Variants in SSPN observed in about 807,000 individuals in gnomAD.
The protein encoded by SSPN is K-ras oncogene-associated protein.
Under a neutral mutation model 19.1 loss-of-function variants are expected in SSPN, and 15 were observed. The observed-to-expected ratio is 0.78, with a 90% CI of 0.52 to 1.21. The LOEUF is 1.21. SSPN is among the 50% of genes most tolerant of loss of function. The pLI is 0.00. For synonymous variants in SSPN, 147 were observed against 140.3 expected (o/e 1.05, Z -0.34); for missense variants, 291 against 314.0 (o/e 0.93, Z 0.55).
At chr12:26,161,226 C>G (rs371977024) in intron 1 of SSPN, among the ~76,000 whole-genome samples, 1 of 151,978 alleles carries the variant, frequency 6.6e-6, no homozygotes, top group South Asian at 2.1e-4. Context: ...GAGGTCTACA[C>G]AGCCCTTCAT....
At chr12:26,143,339 G>A (rs780757126) in intron 1 of SSPN, among the ~76,000 whole-genome samples, 3 of 152,154 alleles carry the variant, frequency 2.0e-5, no homozygotes, top group Non-Finnish European at 4.4e-5. Context: ...TATGTTCCAG[G>A]TGTTCTGTTG....
At chr12:26,143,150 T>C (rs1391425460) in intron 1 of SSPN, among the ~76,000 whole-genome samples, 1 of 152,242 alleles carries the variant, frequency 6.6e-6, no homozygotes, top group Non-Finnish European at 1.5e-5. Flanking sequence ...GCAGATATTT[T>C]GGAAAGTAGC....
At chr12:26,204,252 G>A (rs148222505) in intron 1 of SSPN, among the ~76,000 whole-genome samples, 3 of 152,136 alleles carry the variant, frequency 2.0e-5, no homozygotes, top group Non-Finnish European at 4.4e-5. Flanking sequence ...ATGGGGTGGC[G>A]CGGCTCCGTG....
chr12:26,124,975 C>A, intron 1 of SSPN: 1 of 663,734 alleles, frequency 1.5e-6, no homozygotes, highest in Non-Finnish European at 2.7e-6. Context: ...CACACGCACA[C>A]ACACGCACAC....
In SSPN at chr12:26,230,695, T is replaced by C; in HGVS notation, c.367-16T>C. ...GTTCTTTGTAACCAGAAAGGTTTTC[T>C]TCTGCTTTCTTGCAGCTGTTATACT... is the stretch of plus-strand genomic sequence containing the variant. On this transcript the variant is annotated splice_polypyrimidine_tract_variant and intron_variant, in intron 2 of 2. Transcript: ENST00000242729. The C allele has an allele frequency of 6.3e-7, 1 of 1,586,282 alleles. No homozygotes were observed. Among genetic ancestry groups the C allele is most frequent in the Non-Finnish European group, 8.6e-7 (1 of 1,162,720 alleles).
In SSPN at chr12:26,155,474, T is replaced by A. The variant is rs1346231154; in HGVS notation, c.-31+33322T>A. Among the ~76,000 whole-genome samples, 3 of 152,246 alleles carry A rather than the reference T, an allele frequency of 2.0e-5. No individual in the cohort carries two copies. The East Asian group carries it at 5.8e-4, about 29-fold the overall frequency. On this transcript the variant is annotated intron_variant, in intron 1 of 2. Coordinates refer to the SSPN transcript ENST00000538142. ...CCCTCACGTTACCCTTAAATGGTAA[T>A]GGCACACAACCTGAAAGCCTCAAAA...
chr12:26,166,968 T>A (rs74072071), intron 1 of SSPN, among the ~76,000 whole-genome samples: 9,018 of 152,318 alleles, frequency 0.059, 388 homozygotes, highest in South Asian at 0.12. Flanking sequence ...TATATAGATA[T>A]TTTTGAATCA....
intron 1 of SSPN, among the ~76,000 whole-genome samples, chr12:26,142,235 C>T (rs1387787664): frequency 1.3e-5 from 2 of 151,924 alleles, no homozygotes; most frequent in Non-Finnish European, 2.9e-5. Context: ...AGTTTTGCAT[C>T]GTAGAAAATG....
intron 2 of SSPN, among the ~76,000 whole-genome samples, chr12:26,224,667 G>C (rs1366571524): frequency 6.6e-6 from 1 of 150,780 alleles, no homozygotes; most frequent in Admixed American, 6.6e-5. Context: ...CAAAACACTT[G>C]GCCAGAAAAA....
At chr12:26,229,827 T>C (rs1945211835) in intron 2 of SSPN, among the ~76,000 whole-genome samples, 1 of 152,218 alleles carries the variant, frequency 6.6e-6, no homozygotes, top group Non-Finnish European at 1.5e-5. Flanking sequence ...ACAAAAATAT[T>C]TCTTGTTCCA....
In SSPN at chr12:26,232,678, G is replaced by A. The variant is rs17381729; in HGVS notation, c.*1602G>A. ...ATATAAATATCCAGTATAAAGGAAAGCGTTAAGTCGGTAAGCTAGAGGATT... is the reference window on the plus strand; with the variant it reads ...ATATAAATATCCAGTATAAAGGAAAACGTTAAGTCGGTAAGCTAGAGGATT... On this transcript the variant is annotated 3_prime_UTR_variant, in exon 3 of 3. Coordinates refer to ENST00000242729, the MANE Select transcript of SSPN (RefSeq NM_005086.5). 32,276 of 984,906 alleles carry A rather than the reference G, an allele frequency of 0.033. 560 individuals carry two copies. The highest frequency in any genetic ancestry group is 0.036 in the Non-Finnish European group (30,101 of 829,584). The allele number at this position is 984,906 out of a possible 1,614,324, so 61.0% of individuals were successfully genotyped here. A position where few individuals can be genotyped will look rare whatever the true frequency, so the allele number is the denominator to read the frequency against.
intron 1 of SSPN, among the ~76,000 whole-genome samples, chr12:26,132,002 C>T (rs1041133186): frequency 6.6e-6 from 1 of 152,132 alleles, no homozygotes; most frequent in Non-Finnish European, 1.5e-5. Flanking sequence ...AGCATTTCAC[C>T]TTCCTTGGTG....
rs1408648215 is a variant in SSPN, at chr12:26,224,130, T to C, written c.280-163T>C. 2.4e-4 allele frequency among the ~76,000 whole-genome samples: 36 copies of C among 152,190 alleles called. 1 individual carries two copies. The highest frequency in any genetic ancestry group is 2.4e-3 in the Admixed American group (36 of 15,278). On this transcript the variant is annotated intron_variant, in intron 1 of 2. Transcript: ENST00000242729. ...CAATTGATTTTTACTAATTTTAAAG[T>C]GGTTTTCCACCAGTTGAAAGAAAAA...
At chr12:26,155,617 G>A (rs1317050123) in intron 1 of SSPN, among the ~76,000 whole-genome samples, 1 of 152,190 alleles carries the variant, frequency 6.6e-6, no homozygotes, top group Non-Finnish European at 1.5e-5. Flanking sequence ...GCGGAAAGAG[G>A]AAGAGTTAAT....
upstream of SSPN, among the ~76,000 whole-genome samples, chr12:26,190,878 T>C (rs2137451328): frequency 6.6e-6 from 1 of 152,354 alleles, no homozygotes; most frequent in African/African-American, 2.4e-5. Context: ...GAAGACTTAC[T>C]TCCATCACCC....
At chr12:26,213,699 C>T (rs1374876350) in intron 1 of SSPN, among the ~76,000 whole-genome samples, 6 of 151,846 alleles carry the variant, frequency 4.0e-5, no homozygotes, top group Non-Finnish European at 8.8e-5. Flanking sequence ...TGGGCATTAC[C>T]AATTCATTTT....
intron 2 of SSPN, among the ~76,000 whole-genome samples, chr12:26,228,811 T>C (rs1330081851): frequency 6.6e-6 from 1 of 152,180 alleles, no homozygotes; most frequent in Non-Finnish European, 1.5e-5. Flanking sequence ...ATCCATATTT[T>C]TAGGCTAAAA....
intron 2 of SSPN, among the ~76,000 whole-genome samples, chr12:26,226,886 C>T (rs1430414185): frequency 6.6e-6 from 1 of 152,136 alleles, no homozygotes; most frequent in Non-Finnish European, 1.5e-5. Flanking sequence ...GAAACACCCT[C>T]CTCCCGAGGT....
intron 1 of SSPN, among the ~76,000 whole-genome samples, chr12:26,144,015 CT>C (rs1944475517): frequency 6.6e-6 from 1 of 152,176 alleles, no homozygotes; most frequent in Admixed American, 6.5e-5. Flanking sequence ...AGGTCTCCCA[CT>C]GATTCTATAT....
Sources: gnomAD v4.1 joint callset for allele counts (sites outside exome capture counted in the v4.1 genomes callset) on GRCh38, gnomAD v4.1.1 for gene constraint, MANE v1.5 for transcripts, NCBI Gene and HGNC (gene_info 2026-07-23, HGNC 2026-07-21) for gene names.